The following TNS3 variants were observed in gnomAD, a reference collection of about 807,000 sequenced individuals.
TNS3 encodes the protein tensin 3, also known as tensin-3.
Under a neutral mutation model 140.9 loss-of-function variants are expected in TNS3, and 45 were observed. The ratio of observed to expected loss-of-function variants is 0.32; its 90% CI spans 0.25 to 0.41. TNS3 has a LOEUF of 0.41. Ranked by LOEUF, TNS3 falls within the 10% of genes least tolerant of loss-of-function variation. The probability of loss-of-function intolerance (pLI) is 1.00; values close to 1 mark genes in which losing one functional copy is unlikely to be tolerated. For synonymous variants in TNS3, 815 were observed against 788.4 expected (o/e 1.03, Z -0.56); for missense variants, 1,716 against 1,906.7 (o/e 0.90, Z 1.86).
chr7:47,343,218 T>G (rs1196244887), intron 20 of TNS3, among the ~76,000 whole-genome samples: 1 of 152,154 alleles, frequency 6.6e-6, no homozygotes, highest in African/African-American at 2.4e-5. Context: ...ATCTCCAGGC[T>G]GGGACAATCG....
rs148124359 is a variant in TNS3, at chr7:47,346,477, G to A, written c.2282-121C>T. On this transcript the variant is annotated intron_variant, in intron 17 of 30. Coordinates refer to ENST00000311160, the MANE Select transcript of TNS3 (RefSeq NM_022748.12). ...TGTATGCTGCATCCTGGTCACCACT[G>A]CTCTGGGAAGATGCTGTGGTTGCTG... The A allele has an allele frequency of 4.0e-5, 48 of 1,208,734 alleles. No homozygotes were observed. In the African/African-American group the frequency reaches 7.3e-4, roughly 18 times the overall value. 74.9% of individuals were successfully genotyped at this position (1,208,734 alleles called of 1,614,324 possible).
At chr7:47,577,789 C>T (rs926699788) in intron 1 of TNS3, among the ~76,000 whole-genome samples, 13 of 152,034 alleles carry the variant, frequency 8.6e-5, no homozygotes, top group Admixed American at 3.9e-4. Flanking sequence ...TGAGAGCTGG[C>T]GGGCTGTTTG....
At chr7:47,475,379 C>T (rs929132431) in intron 4 of TNS3, among the ~76,000 whole-genome samples, 2 of 152,258 alleles carry the variant, frequency 1.3e-5, no homozygotes, top group Admixed American at 6.5e-5. Context: ...ACAATCACAG[C>T]GTGAGTGCAG....
At chr7:47,309,171 A>G (rs1786933724) in intron 20 of TNS3, among the ~76,000 whole-genome samples, 1 of 152,212 alleles carries the variant, frequency 6.6e-6, no homozygotes, top group Non-Finnish European at 1.5e-5. Context: ...CTTGGAAGCC[A>G]TTATTTCATA....
intron 20 of TNS3, among the ~76,000 whole-genome samples, chr7:47,306,605 C>T (rs183434025): frequency 1.3e-5 from 2 of 151,468 alleles, no homozygotes; most frequent in African/African-American, 2.4e-5. Flanking sequence ...GACGGAGTCT[C>T]GCTCTGTCGC....
rs532189345 is a variant in TNS3 at position 47,576,041 on chromosome 7, C to G, written c.-265+6010G>C. Among the ~76,000 whole-genome samples, 8 of 152,222 alleles carry G rather than the reference C, an allele frequency of 5.3e-5. No individual in the cohort carries two copies. The South Asian group carries it at 1.7e-3, about 32-fold the overall frequency. On this transcript the variant is annotated intron_variant, in intron 1 of 30. Coordinates refer to ENST00000311160, the MANE Select transcript of TNS3 (RefSeq NM_022748.12). ...TTCCTCCAGCCCTGTCCACCCGGCTCTGCAGGTCTTTCCAGAGGAGACAAA... is the reference window on the plus strand; with the variant it reads ...TTCCTCCAGCCCTGTCCACCCGGCTGTGCAGGTCTTTCCAGAGGAGACAAA...
At position 47,554,967 on chromosome 7, in the gene TNS3, G is replaced by A. The variant is rs543448132; in HGVS notation, c.-264-25820C>T. On this transcript the variant is annotated intron_variant, in intron 1 of 30. Transcript: ENST00000311160. ...CGCTTGAACCCGGGAGGCAGAGGTT[G>A]CAGTGAGCCGAGATTGCGCCACTGC... is the stretch of plus-strand genomic sequence containing the variant. Among the ~76,000 whole-genome samples the A allele has an allele frequency of 6.1e-3, 930 of 152,054 alleles. 9 individuals are homozygous for A. The highest frequency in any genetic ancestry group is 0.022 in the African/African-American group (903 of 41,476).
At chr7:47,364,826 C>G (rs975568097) in intron 17 of TNS3, among the ~76,000 whole-genome samples, 2 of 152,178 alleles carry the variant, frequency 1.3e-5, no homozygotes, top group African/African-American at 4.8e-5. Context: ...TGCTCATGGA[C>G]AGTTGCTCAT....
chr7:47,577,792 G>A (rs1056483981), intron 1 of TNS3, among the ~76,000 whole-genome samples: 21 of 152,260 alleles, frequency 1.4e-4, no homozygotes, highest in African/African-American at 4.8e-4. Context: ...GAGCTGGCGG[G>A]CTGTTTGCAG....
At chr7:47,311,453 TAGAGAGAG>T (rs899447132) in intron 20 of TNS3, among the ~76,000 whole-genome samples, 2 of 149,662 alleles carry the variant, frequency 1.3e-5, no homozygotes, top group African/African-American at 4.9e-5. Flanking sequence ...CATATATATA[TAGAGAGAG>T]AGAGAGAAAG....
At chr7:47,321,208 T>C (rs903039073) in intron 20 of TNS3, among the ~76,000 whole-genome samples, 1 of 152,242 alleles carries the variant, frequency 6.6e-6, no homozygotes, top group Non-Finnish European at 1.5e-5. Context: ...CTTTGTGTTT[T>C]TGTTTCACTA....
At chr7:47,565,855 T>TAG in intron 1 of TNS3, among the ~76,000 whole-genome samples, 1 of 151,964 alleles carries the variant, frequency 6.6e-6, no homozygotes, top group East Asian at 1.9e-4. Context: ...TAAAAGGAGT[T>TAG]CTCCTAAGTA....
chr7:47,369,553 G>T lies in TNS3; in HGVS notation c.1093C>A (p.Pro365Thr). ...AKVRKKSSSD[P>T]GIPGGPQAIP... ...GCCTGGGGGCCACCTGGGATGCCAG[G>T]ATCCGAGGAGCTTTTCTTCCTCACC... The change falls in exon 17 of 31, where the codon CCT (proline) becomes ACT (threonine). Residue 365 changes from proline (P) to threonine (T), a missense_variant. Pro to Thr is a conservative substitution (Grantham distance 38). Coordinates refer to ENST00000311160, the MANE Select transcript of TNS3 (RefSeq NM_022748.12). 2 of 1,612,176 alleles carry T rather than the reference G, an allele frequency of 1.2e-6. No homozygotes were observed. Among genetic ancestry groups the T allele is most frequent in the Non-Finnish European group, 1.7e-6 (2 of 1,178,902 alleles).
chr7:47,428,932 A>G (rs891901592), intron 8 of TNS3, among the ~76,000 whole-genome samples: 1 of 152,176 alleles, frequency 6.6e-6, no homozygotes, highest in Non-Finnish European at 1.5e-5. Context: ...CACTCAAACC[A>G]TAACCACAGA....
rs1235275353 is a variant in TNS3 at position 47,278,199 on chromosome 7, C to T, written c.4215G>A (p.Arg1405=). The T allele has an allele frequency of 6.2e-7, 1 of 1,614,114 alleles. No homozygotes were observed. Among genetic ancestry groups the T allele is most frequent in the South Asian group, 1.1e-5 (1 of 91,046 alleles). ...PSSKVFGFVA[R]KQGSATDNVC... Reference sequence around the variant, plus strand: ...CATTATCCGTGGCACTGCCCTGCTTCCGGGCCACAAATCCAAAGACTCTGC... The same window carrying T: ...CATTATCCGTGGCACTGCCCTGCTTTCGGGCCACAAATCCAAAGACTCTGC... The change falls in exon 31 of 31, where the codon CGG becomes CGA. Residue 1405 remains arginine (R), a synonymous_variant. Transcript: ENST00000311160.
chr7:47,543,199 C>T (rs1799836038), intron 1 of TNS3, among the ~76,000 whole-genome samples: 1 of 152,244 alleles, frequency 6.6e-6, no homozygotes, highest in Non-Finnish European at 1.5e-5. Flanking sequence ...CCAGCTTGTG[C>T]TCCATCCGAA....
chr7:47,518,688 T>A (rs1046584642), intron 2 of TNS3, among the ~76,000 whole-genome samples: 3 of 151,876 alleles, frequency 2.0e-5, no homozygotes, highest in Admixed American at 6.6e-5. Flanking sequence ...AATAAATAAG[T>A]AAATAAATAA....
chr7:47,353,951 T>C (rs1051229972), intron 17 of TNS3, among the ~76,000 whole-genome samples: 1 of 150,874 alleles, frequency 6.6e-6, no homozygotes, highest in African/African-American at 2.4e-5. Flanking sequence ...TATTACATTA[T>C]ATGCATCAAA....
chr7:47,472,999 C>T (rs1797021933), intron 4 of TNS3, among the ~76,000 whole-genome samples: 1 of 152,132 alleles, frequency 6.6e-6, no homozygotes, highest in Non-Finnish European at 1.5e-5. Context: ...TGCTGAGCGA[C>T]CTCACGCGCA....
Sources: allele counts gnomAD v4.1 joint callset (sites outside exome capture counted in the v4.1 genomes callset), GRCh38; gene constraint gnomAD v4.1.1; transcripts MANE v1.5; gene names NCBI Gene and HGNC (gene_info 2026-07-23, HGNC 2026-07-21).